The following AKAP13 variants were observed in gnomAD, a reference collection of about 807,000 sequenced individuals.
AKAP13 encodes A-kinase anchoring protein 13.
In AKAP13, 80 loss-of-function variants were observed where a neutral mutation model predicts 264.5. The ratio of observed to expected loss-of-function variants is 0.30; its 90% CI spans 0.25 to 0.36. The LOEUF is 0.36. Among genes scored for constraint, AKAP13 ranks in the 10% least tolerant of loss-of-function variants. The pLI is 1.00. For missense variants in AKAP13, 3,712 were observed against 3,435.2 expected (o/e 1.08, Z -2.01); for synonymous variants, 1,380 against 1,250.2 (o/e 1.10, Z -2.19).
intron 16 of AKAP13, among the ~76,000 whole-genome samples, chr15:85,691,387 G>A (rs1243060317): frequency 1.3e-5 from 2 of 152,168 alleles, no homozygotes; most frequent in African/African-American, 2.4e-5. Flanking sequence ...CCTAAGGATG[G>A]TGTCCACCTG....
intron 1 of AKAP13, among the ~76,000 whole-genome samples, chr15:85,448,506 A>G (rs1279060137): frequency 6.6e-6 from 1 of 152,132 alleles, no homozygotes; most frequent in Non-Finnish European, 1.5e-5. Flanking sequence ...TGGGTTTTAC[A>G]TTTAAGTCTT....
At chr15:85,582,531 C>A (rs1345904799) in intron 7 of AKAP13, among the ~76,000 whole-genome samples, 1 of 152,158 alleles carries the variant, frequency 6.6e-6, no homozygotes, top group Non-Finnish European at 1.5e-5. Context: ...CCCTTCCTCC[C>A]CTATCATCCT....
chr15:85,606,740 A>G (rs1005212317), intron 8 of AKAP13, among the ~76,000 whole-genome samples: 2 of 152,372 alleles, frequency 1.3e-5, no homozygotes, highest in Admixed American at 1.3e-4. Context: ...GGTCAAGGAC[A>G]TGGAGGCAGC....
At chr15:85,720,647 C>A (rs1296145672) in intron 23 of AKAP13, among the ~76,000 whole-genome samples, 3 of 152,272 alleles carry the variant, frequency 2.0e-5, no homozygotes, top group East Asian at 3.9e-4. Flanking sequence ...GATGCAAATT[C>A]CCCAAAGATT....
intron 1 of AKAP13, among the ~76,000 whole-genome samples, chr15:85,399,970 A>G (rs765550176): frequency 2.6e-4 from 39 of 152,096 alleles, no homozygotes; most frequent in Non-Finnish European, 5.9e-5. Flanking sequence ...TTTCATTATT[A>G]TTTTTTCTAG....
intron 1 of AKAP13, among the ~76,000 whole-genome samples, chr15:85,396,590 G>C (rs539464972): frequency 2.4e-4 from 36 of 152,006 alleles, no homozygotes; most frequent in Admixed American, 7.9e-4. Flanking sequence ...AAGTCACTAC[G>C]AACTATTCTT....
intron 19 of AKAP13, among the ~76,000 whole-genome samples, chr15:85,712,132 C>G (rs771665027): frequency 6.6e-6 from 1 of 152,176 alleles, no homozygotes; most frequent in African/African-American, 2.4e-5. Context: ...CCGCACCCAG[C>G]CTGGTCTGTG....
intron 8 of AKAP13, among the ~76,000 whole-genome samples, chr15:85,632,353 G>T (rs1426645256): frequency 2.6e-5 from 4 of 152,164 alleles, no homozygotes; most frequent in African/African-American, 9.7e-5. Flanking sequence ...TTATACAGTG[G>T]ACAGTAAGCC....
In AKAP13 at chr15:85,580,862, G is replaced by A; in HGVS notation, c.2794G>A (p.Val932Met). The A allele has an allele frequency of 1.2e-6, 2 of 1,614,154 alleles. No homozygotes were observed. The highest frequency in any genetic ancestry group is 1.7e-6 in the Non-Finnish European group (2 of 1,180,026). ...TCAGGAACAAGATAAGGATAAAGCG[G>A]TGACCTGTTCCTCTATTAAGGAAAA... is the stretch of plus-strand genomic sequence containing the variant. ...AAQEQDKDKA[V>M]TCSSIKENAL... The change falls in exon 7 of 37, where the codon GTG becomes ATG. Residue 932 changes from valine to methionine, a missense_variant. Physicochemically the swap from Val to Met is conservative, Grantham distance 21. Coordinates refer to ENST00000394518, the MANE Select transcript of AKAP13 (RefSeq NM_007200.5).
chr15:85,395,534 T>C (rs2071068621), intron 1 of AKAP13, among the ~76,000 whole-genome samples: 1 of 152,180 alleles, frequency 6.6e-6, no homozygotes. Context: ...TGAGATTGGC[T>C]TAGTTAAGCG....
intron 1 of AKAP13, among the ~76,000 whole-genome samples, chr15:85,425,309 G>T (rs2072721762): frequency 6.6e-6 from 1 of 152,068 alleles, no homozygotes; most frequent in Non-Finnish European, 1.5e-5. Context: ...TAAAAAGCCT[G>T]GTTTTAAATT....
At chr15:85,545,109 A>G (rs1466335022) in intron 5 of AKAP13, among the ~76,000 whole-genome samples, 1 of 152,146 alleles carries the variant, frequency 6.6e-6, no homozygotes, top group Non-Finnish European at 1.5e-5. Flanking sequence ...AGGGGCACTT[A>G]TCTCAAATGA....
intron 2 of AKAP13, among the ~76,000 whole-genome samples, chr15:85,491,302 G>C (rs897585020): frequency 6.6e-6 from 1 of 151,740 alleles, no homozygotes; most frequent in African/African-American, 2.4e-5. Context: ...GACCTCTTAG[G>C]GATACTGGGA....
chr15:85,632,866 A>G (rs904693122), intron 8 of AKAP13, among the ~76,000 whole-genome samples: 1 of 52,900 alleles, frequency 1.9e-5, no homozygotes, highest in Non-Finnish European at 3.5e-5. Context: ...ATTCTAAGAA[A>G]TAAAATTTTT....
At chr15:85,460,955 T>C (rs916925172) in intron 1 of AKAP13, among the ~76,000 whole-genome samples, 5 of 151,746 alleles carry the variant, frequency 3.3e-5, no homozygotes, top group African/African-American at 1.2e-4. Flanking sequence ...CAGAGTTTTT[T>C]TTTTTGTTAT....
rs534561306 is a variant in AKAP13 at position 85,611,581 on chromosome 15, A to G, written c.4161+25758A>G. On this transcript the variant is annotated intron_variant, in intron 8 of 36. Transcript: ENST00000394518. ...CCATCATTTCTCACCTGACTTCTCTAACAGCTTTCTGACTCATCTGTCTCT... is the reference window on the plus strand; with the variant it reads ...CCATCATTTCTCACCTGACTTCTCTGACAGCTTTCTGACTCATCTGTCTCT... 3.3e-5 allele frequency among the ~76,000 whole-genome samples: 5 copies of G among 152,326 alleles called. No individual in the cohort carries two copies. The South Asian group carries it at 1.0e-3, about 32-fold the overall frequency.
intron 8 of AKAP13, among the ~76,000 whole-genome samples, chr15:85,633,689 G>A (rs919732598): frequency 3.3e-5 from 5 of 151,290 alleles, no homozygotes; most frequent in African/African-American, 4.9e-5. Flanking sequence ...GACTACAGGC[G>A]CCCGCCACCA....
At chr15:85,672,043 C>T (rs2083958746) in intron 14 of AKAP13, among the ~76,000 whole-genome samples, 1 of 152,198 alleles carries the variant, frequency 6.6e-6, no homozygotes, top group African/African-American at 2.4e-5. Flanking sequence ...CTCCCCAAAG[C>T]GCTATTCTAG....
At chr15:85,502,701 G>T (rs2076067907) in intron 2 of AKAP13, among the ~76,000 whole-genome samples, 1 of 152,194 alleles carries the variant, frequency 6.6e-6, no homozygotes, top group Non-Finnish European at 1.5e-5. Flanking sequence ...GTTAAGTACT[G>T]TGGGTTGTTT....
Sources: allele counts gnomAD v4.1 joint callset (sites outside exome capture counted in the v4.1 genomes callset), GRCh38; gene constraint gnomAD v4.1.1; transcripts MANE v1.5; gene names NCBI Gene and HGNC (gene_info 2026-07-23, HGNC 2026-07-21).